Variants in JAKMIP3 observed in about 807,000 individuals in gnomAD.
JAKMIP3 encodes janus kinase and microtubule-interacting protein 3.
JAKMIP3 carries 58 observed loss-of-function variants against 118.5 expected under a neutral mutation model. The observed-to-expected ratio is 0.49, with a 90% confidence interval of 0.40 to 0.61. The LOEUF (loss-of-function observed/expected upper bound fraction) is 0.61, where lower values mean the gene tolerates loss of function less well. JAKMIP3 is among the 20% of genes least tolerant of loss of function. The pLI is 0.00. For synonymous variants in JAKMIP3, 486 were observed against 451.2 expected, an observed-to-expected ratio of 1.08 and a Z score of -0.98; for missense variants, 950 against 1,109.0, an observed-to-expected ratio of 0.86 and a Z score of 2.04.
intron 3 of JAKMIP3, among the ~76,000 whole-genome samples, chr10:132,126,859 T>C: frequency 6.6e-6 from 1 of 152,362 alleles, no homozygotes; most frequent in African/African-American, 2.4e-5. Flanking sequence ...ATATTGTCTA[T>C]TTTATATATA....
intron 20 of JAKMIP3, among the ~76,000 whole-genome samples, chr10:132,164,373 AC>A (rs914421734): frequency 6.6e-6 from 1 of 152,174 alleles, no homozygotes; most frequent in Non-Finnish European, 1.5e-5. Context: ...CATCTGGGGG[AC>A]CGGGAATCCA....
At chr10:132,082,858 C>T (rs562647365) in intron 1 of JAKMIP3, among the ~76,000 whole-genome samples, 8 of 152,370 alleles carry the variant, frequency 5.3e-5, no homozygotes, top group African/African-American at 1.9e-4. Flanking sequence ...ATCCGCCCGC[C>T]TTGGCCGCCC....
At chr10:132,174,629 C>T (rs1263981372) in intron 23 of JAKMIP3, among the ~76,000 whole-genome samples, 1 of 152,122 alleles carries the variant, frequency 6.6e-6, no homozygotes, top group Admixed American at 6.5e-5. Flanking sequence ...TGGGTAAATA[C>T]CTAGGATTGG....
chr10:132,046,437 CAG>C (rs2037918793), intron 1 of JAKMIP3, among the ~76,000 whole-genome samples: 1 of 148,416 alleles, frequency 6.7e-6, no homozygotes, highest in South Asian at 2.2e-4. Flanking sequence ...GCCTGGGTGA[CAG>C]AGCAAGACTC....
chr10:132,036,726 G>A (rs1373091526), exon 1 of JAKMIP3, among the ~76,000 whole-genome samples: 1 of 150,920 alleles, frequency 6.6e-6, no homozygotes, highest in East Asian at 1.9e-4. Flanking sequence ...AGAGTCGCTC[G>A]CGGGGAGCCT....
rs1360285151 is a variant in JAKMIP3, at chr10:132,182,840, A to G, written c.*1587A>G. On this transcript the variant is annotated 3_prime_UTR_variant, in exon 24 of 24. Coordinates refer to ENST00000684848, the MANE Select transcript of JAKMIP3 (RefSeq NM_001323087.2). ...GGACCAGGCATGGCTCCCTAGGTTG[A>G]AATCAGGGAAAAGCTAATAGTATCA... 6.6e-6 allele frequency: 1 copy of G among 152,166 alleles called. No individual in the cohort carries two copies. The highest frequency in any genetic ancestry group is 6.5e-5 in the Admixed American group (1 of 15,270). The allele number at this position is 152,166 out of a possible 1,614,324, so 9.4% of individuals were successfully genotyped here.
At chr10:132,088,490 G>A (rs543779566) in intron 1 of JAKMIP3, among the ~76,000 whole-genome samples, 56 of 152,288 alleles carry the variant, frequency 3.7e-4, no homozygotes, top group African/African-American at 1.3e-3. Context: ...GTGTCTGTTG[G>A]CTGATAAATG....
intron 1 of JAKMIP3, among the ~76,000 whole-genome samples, chr10:132,092,754 T>C (rs1282343321): frequency 6.6e-6 from 1 of 152,246 alleles, no homozygotes; most frequent in Non-Finnish European, 1.5e-5. Flanking sequence ...ATCGGAAGCC[T>C]ACTTCTGTCA....
rs1445323086 is a variant in JAKMIP3 at position 132,135,175 on chromosome 10, G to A, written c.969+15G>A. Reference sequence around the variant, plus strand: ...GGAATGAGCTGGTGAGCGCGGGCGGGGGCTTCTGGCTCCTGGGGGTTTGTG... The same window carrying A: ...GGAATGAGCTGGTGAGCGCGGGCGGAGGCTTCTGGCTCCTGGGGGTTTGTG... On this transcript the variant is annotated intron_variant, in intron 5 of 23. Transcript: ENST00000684848. The A allele has an allele frequency of 6.3e-7, 1 of 1,590,738 alleles. No individual in the cohort carries two copies. Among genetic ancestry groups the A allele is most frequent in the South Asian group, 1.1e-5 (1 of 90,256 alleles).
chr10:132,131,463 G>C (rs762352420), intron 3 of JAKMIP3, among the ~76,000 whole-genome samples: 1 of 151,364 alleles, frequency 6.6e-6, no homozygotes, highest in African/African-American at 2.4e-5. Context: ...AAGGGGTGAG[G>C]GTGTCGGGCC....
chr10:132,076,997 G>T (rs990811290), intron 1 of JAKMIP3, among the ~76,000 whole-genome samples: 9 of 152,028 alleles, frequency 5.9e-5, no homozygotes, highest in Non-Finnish European at 1.3e-4. Context: ...GGTGGCCCTG[G>T]GTCTTACCGC....
intron 1 of JAKMIP3, among the ~76,000 whole-genome samples, chr10:132,056,942 T>G (rs1375886640): frequency 6.6e-6 from 1 of 152,136 alleles, no homozygotes; most frequent in Non-Finnish European, 1.5e-5. Context: ...CCGCCCTGGG[T>G]TCCAGGTCCT....
In JAKMIP3 at chr10:132,083,744, A is replaced by G. The variant is rs561843602; in HGVS notation, c.-138+17683A>G. Among the ~76,000 whole-genome samples, 3 of 152,222 alleles carry G rather than the reference A, an allele frequency of 2.0e-5. No individual in the cohort carries two copies. The South Asian group carries it at 6.2e-4, about 32-fold the overall frequency. On this transcript the variant is annotated intron_variant, in intron 1 of 23. Coordinates refer to ENST00000684848, the MANE Select transcript of JAKMIP3 (RefSeq NM_001323087.2). Reference sequence around the variant, plus strand: ...GATGAGGATCTAGTTTCATTCTCCTATATGTGGTTAGCCAGGTATCCCAGC... The same window carrying G: ...GATGAGGATCTAGTTTCATTCTCCTGTATGTGGTTAGCCAGGTATCCCAGC...
intron 1 of JAKMIP3, among the ~76,000 whole-genome samples, chr10:132,082,043 T>C (rs1293098935): frequency 6.6e-6 from 1 of 151,854 alleles, no homozygotes; most frequent in Non-Finnish European, 1.5e-5. Context: ...TCATTGTGAG[T>C]CCCAGGTCTC....
chr10:132,126,755 T>TC (rs1340942569), intron 3 of JAKMIP3, among the ~76,000 whole-genome samples: 1 of 152,130 alleles, frequency 6.6e-6, no homozygotes, highest in Non-Finnish European at 1.5e-5. Context: ...TCATGTGTTT[T>TC]TTTCTTTATT....
At position 132,153,775 on chromosome 10, in the gene JAKMIP3, A is replaced by T; in HGVS notation, c.2090A>T (p.Glu697Val). Reference protein sequence around the residue: ...TLAEKWLQQIEETEAALQRKM... With the variant: ...TLAEKWLQQIVETEAALQRKM... ...TGTGTCCAGTGGCTCCAGCAGATTG[A>T]GGAGACAGAGGCGGCGCTGCAGCGG... Residue 697 changes from glutamate (E) to valine (V), a missense_variant, in exon 18 of 24, where the codon GAG becomes GTG. Transcript: ENST00000684848. 5 of 1,613,114 alleles carry T rather than the reference A, an allele frequency of 3.1e-6. No individual in the cohort carries two copies. Among genetic ancestry groups the T allele is most frequent in the Non-Finnish European group, 4.2e-6 (5 of 1,179,850 alleles).
chr10:132,136,145 C>A, intron 6 of JAKMIP3, 69 bp downstream of exon 6: 1 of 1,533,614 alleles, frequency 6.5e-7, no homozygotes, highest in East Asian at 2.3e-5. Context: ...CCTCCCTTCT[C>A]CACGCAAGAT....
intron 21 of JAKMIP3, among the ~76,000 whole-genome samples, chr10:132,166,713 G>A (rs566256561): frequency 2.0e-5 from 3 of 152,304 alleles, no homozygotes; most frequent in East Asian, 1.9e-4. Flanking sequence ...CTGGGGACAC[G>A]CTGGGTGTGG....
At chr10:132,096,317 A>T (rs1240268655) in intron 1 of JAKMIP3, among the ~76,000 whole-genome samples, 1 of 152,136 alleles carries the variant, frequency 6.6e-6, no homozygotes, top group Non-Finnish European at 1.5e-5. Context: ...CTCAAAAGGG[A>T]CTTCTAGTTA....
Sources: allele counts gnomAD v4.1 joint callset (sites outside exome capture counted in the v4.1 genomes callset), GRCh38; gene constraint gnomAD v4.1.1; transcripts MANE v1.5; gene names NCBI Gene and HGNC (gene_info 2026-07-23, HGNC 2026-07-21).